Variants in SYN2 observed in about 807,000 individuals in gnomAD.
SYN2 encodes synapsin II.
In SYN2, 19 loss-of-function variants were observed where a neutral mutation model predicts 50.9. The ratio of observed to expected loss-of-function variants is 0.37; its 90% CI spans 0.26 to 0.55. SYN2 has a LOEUF of 0.55. SYN2 is among the 20% of genes least tolerant of loss of function. The pLI, the probability that SYN2 is intolerant of heterozygous loss-of-function variation, is 0.81. For synonymous variants in SYN2, 255 were observed against 224.9 expected (o/e 1.13, Z -1.20); for missense variants, 587 against 576.4 (o/e 1.02, Z -0.19).
chr3:12,016,468 T>G (rs1203107930), intron 1 of SYN2, among the ~76,000 whole-genome samples: 2 of 152,208 alleles, frequency 1.3e-5, no homozygotes, highest in Non-Finnish European at 2.9e-5. Context: ...TTGCAAACAC[T>G]TAAAACACCT....
At chr3:12,177,299 A>G (rs112124310) in intron 10 of SYN2, among the ~76,000 whole-genome samples, 8,391 of 152,174 alleles carry the variant, frequency 0.055, 800 homozygotes, top group African/African-American at 0.19. Flanking sequence ...AAACTTCCTT[A>G]AAACATTATG....
In SYN2 at chr3:12,004,500, CT is replaced by C; in HGVS notation, c.-51del. The C allele has an allele frequency of 2.1e-6, 1 of 470,482 alleles. No homozygotes were observed. Among genetic ancestry groups the C allele is most frequent in the Non-Finnish European group, 4.0e-6 (1 of 247,682 alleles). 29.1% of individuals were successfully genotyped at this position (470,482 alleles called of 1,614,324 possible). On this transcript the variant is annotated 5_prime_UTR_variant, in exon 1 of 13. Coordinates refer to ENST00000621198, the MANE Select transcript of SYN2 (RefSeq NM_133625.6). ...ATCTCGCCTTCCGCCCTCGCTCTCC[CT>C]CCGCGCCACCAGACCCCGTAGCCCC...
At chr3:12,086,894 T>C (rs550832294) in intron 1 of SYN2, among the ~76,000 whole-genome samples, 7 of 152,234 alleles carry the variant, frequency 4.6e-5, no homozygotes, top group African/African-American at 1.4e-4. Flanking sequence ...ATAAAAAGTA[T>C]CTAAATAGAA....
chr3:12,174,811 T>TA (rs1177556177), intron 10 of SYN2, among the ~76,000 whole-genome samples: 1 of 152,188 alleles, frequency 6.6e-6, no homozygotes, highest in Admixed American at 6.5e-5. Flanking sequence ...GTATAACTGA[T>TA]ACTTCCTCAA....
At chr3:12,150,973 A>G (rs528570282) in intron 4 of SYN2, among the ~76,000 whole-genome samples, 1 of 152,354 alleles carries the variant, frequency 6.6e-6, no homozygotes, top group South Asian at 2.1e-4. Context: ...AATGAATATG[A>G]TAAAATACTA....
chr3:12,146,173 G>C (rs1325604397), intron 4 of SYN2, among the ~76,000 whole-genome samples: 2 of 152,234 alleles, frequency 1.3e-5, no homozygotes, highest in African/African-American at 4.8e-5. Context: ...CTCTGCCCTT[G>C]GCCATAGGCT....
intron 1 of SYN2, among the ~76,000 whole-genome samples, chr3:12,124,838 G>A (rs12496936): frequency 0.08 from 12,174 of 152,130 alleles, 840 homozygotes; most frequent in East Asian, 0.19. Context: ...TTATCCCTGG[G>A]GAAGGGATGT....
At chr3:12,077,070 T>G (rs972346313) in intron 1 of SYN2, among the ~76,000 whole-genome samples, 2 of 152,116 alleles carry the variant, frequency 1.3e-5, no homozygotes, top group African/African-American at 4.8e-5. Flanking sequence ...TTAACTTTAC[T>G]ACTCAGTGCA....
At chr3:12,076,436 TC>T (rs1695469306) in intron 1 of SYN2, among the ~76,000 whole-genome samples, 1 of 151,880 alleles carries the variant, frequency 6.6e-6, no homozygotes, top group South Asian at 2.1e-4. Flanking sequence ...GGTAACATGA[TC>T]ACCACGGGAA....
At chr3:12,052,015 A>G (rs1019242422) in intron 1 of SYN2, among the ~76,000 whole-genome samples, 1 of 152,130 alleles carries the variant, frequency 6.6e-6, no homozygotes, top group African/African-American at 2.4e-5. Context: ...TTTTAATGAT[A>G]ATAATTATTC....
At chr3:12,036,642 G>A (rs1694504345) in intron 1 of SYN2, among the ~76,000 whole-genome samples, 1 of 152,122 alleles carries the variant, frequency 6.6e-6, no homozygotes, top group South Asian at 2.1e-4. Flanking sequence ...ATGGGAGGGT[G>A]AAAATCTCAA....
intron 1 of SYN2, among the ~76,000 whole-genome samples, chr3:12,045,476 A>T (rs1410968264): frequency 1.3e-5 from 2 of 152,178 alleles, no homozygotes; most frequent in Non-Finnish European, 2.9e-5. Flanking sequence ...CTGTTTTCCA[A>T]TTTGAATAGA....
At chr3:12,153,841 C>G in intron 5 of SYN2, 1 of 984,030 alleles carries the variant, frequency 1.0e-6, no homozygotes, top group South Asian at 1.5e-5. Flanking sequence ...CTTTCCCAGT[C>G]CCCAGTCTTC....
At chr3:12,093,452 C>T (rs1695869492) in intron 1 of SYN2, among the ~76,000 whole-genome samples, 3 of 152,164 alleles carry the variant, frequency 2.0e-5, no homozygotes, top group African/African-American at 7.2e-5. Flanking sequence ...TTATTTTTGT[C>T]TCCTGTGGGT....
intron 1 of SYN2, among the ~76,000 whole-genome samples, chr3:12,011,194 G>C (rs1693905029): frequency 6.6e-6 from 1 of 152,084 alleles, no homozygotes; most frequent in African/African-American, 2.4e-5. Flanking sequence ...AAAAACAGTG[G>C]GGCACTCACT....
intron 7 of SYN2, among the ~76,000 whole-genome samples, chr3:12,166,752 T>A (rs1451823459): frequency 4.6e-5 from 7 of 152,204 alleles, no homozygotes; most frequent in African/African-American, 1.7e-4. Context: ...TGCGGGAGTT[T>A]CAGGATTGAT....
intron 1 of SYN2, among the ~76,000 whole-genome samples, chr3:12,111,997 T>C (rs578201013): frequency 1.3e-5 from 2 of 152,186 alleles, no homozygotes; most frequent in Non-Finnish European, 2.9e-5. Flanking sequence ...TTTCAGAAAC[T>C]TCTTAGGACA....
intron 1 of SYN2, chr3:12,071,670 AAGTCTGTGGCTTGGTG>A: frequency 3.2e-6 from 1 of 317,190 alleles, no homozygotes; most frequent in Admixed American, 4.0e-5. Flanking sequence ...TGTGGAAGAC[AAGTCTGTGGCTTGGTG>A]AGTCTGTGTG....
In SYN2 at chr3:12,169,775, C is replaced by A. The variant is rs566021452; in HGVS notation, c.1177C>A (p.Pro393Thr). The A allele has an allele frequency of 6.2e-7, 1 of 1,613,962 alleles. No homozygotes were observed. Among genetic ancestry groups the A allele is most frequent in the East Asian group, 2.2e-5 (1 of 44,880 alleles). Residue 393 changes from proline (P) to threonine (T), a missense_variant, in exon 10 of 13, where the codon CCA becomes ACA. By Grantham distance (38) the Pro-to-Thr change is conservative. Coordinates refer to ENST00000621198, the MANE Select transcript of SYN2 (RefSeq NM_133625.6). ...CCACCAGGTCATGGACTGTAGCATG[C>A]CACTGATTGGGGAACATCAGGTGGA... Reference protein sequence around the residue: ...YIFEVMDCSMPLIGEHQVEDR... With the variant: ...YIFEVMDCSMTLIGEHQVEDR...
Sources: allele counts gnomAD v4.1 joint callset (sites outside exome capture counted in the v4.1 genomes callset), GRCh38; gene constraint gnomAD v4.1.1; transcripts MANE v1.5; gene names NCBI Gene and HGNC (gene_info 2026-07-23, HGNC 2026-07-21).